DCP2: variants seen among roughly 807,000 people sequenced by gnomAD.
The protein encoded by DCP2 is decapping mRNA 2.
DCP2 carries 30 observed loss-of-function variants against 56.1 expected under a neutral mutation model. That is an observed-to-expected ratio of 0.53 (90% confidence interval 0.40 to 0.73). DCP2 has a LOEUF of 0.73. DCP2 is among the 30% of genes least tolerant of loss of function. DCP2 has a pLI of 0.00. For missense variants in DCP2, 533 were observed against 502.7 expected, an observed-to-expected ratio of 1.06 and a Z score of -0.58; for synonymous variants, 197 against 163.3, an observed-to-expected ratio of 1.21 and a Z score of -1.57.
intron 8 of DCP2, among the ~76,000 whole-genome samples, chr5:113,005,694 C>T (rs1031951349): frequency 1.3e-5 from 2 of 152,192 alleles, no homozygotes; most frequent in Non-Finnish European, 1.5e-5. Flanking sequence ...AAACAGATAA[C>T]TTGTGTACCA....
intron 1 of DCP2, among the ~76,000 whole-genome samples, chr5:112,983,334 A>G (rs1175335579): frequency 6.6e-6 from 1 of 152,214 alleles, no homozygotes; most frequent in Non-Finnish European, 1.5e-5. Context: ...TTAAAATTTC[A>G]GCATTTCAAC....
intron 4 of DCP2, among the ~76,000 whole-genome samples, chr5:112,996,377 C>T (rs981958344): frequency 6.6e-6 from 1 of 152,126 alleles, no homozygotes; most frequent in Non-Finnish European, 1.5e-5. Flanking sequence ...TTTCTAGCTA[C>T]TGATTAGACT....
intron 9 of DCP2, among the ~76,000 whole-genome samples, chr5:113,010,535 T>C (rs909832938): frequency 2.6e-5 from 4 of 152,168 alleles, no homozygotes; most frequent in Admixed American, 2.0e-4. Flanking sequence ...GATGTCTTTA[T>C]AATGTGTATG....
intron 1 of DCP2, chr5:112,984,686 T>TAA (rs60727810): frequency 3.4e-5 from 3 of 89,484 alleles, no homozygotes; most frequent in South Asian, 3.3e-4. Flanking sequence ...ATTTCTTAAT[T>TAA]AAAAAAAAAA....
intron 4 of DCP2, among the ~76,000 whole-genome samples, chr5:112,993,320 GATTT>G (rs1244230080): frequency 6.6e-6 from 1 of 152,020 alleles, no homozygotes; most frequent in African/African-American, 2.4e-5. Flanking sequence ...GAACTTGATT[GATTT>G]GTTTCGGCCT....
At chr5:112,998,183 A>C (rs1376005841) in intron 4 of DCP2, among the ~76,000 whole-genome samples, 2 of 152,224 alleles carry the variant, frequency 1.3e-5, no homozygotes, top group African/African-American at 4.8e-5. Context: ...TTGATTGGAC[A>C]GTTTGAATCT....
chr5:113,012,615 A>T (rs1280225290), intron 10 of DCP2, among the ~76,000 whole-genome samples: 1 of 152,074 alleles, frequency 6.6e-6, no homozygotes. Flanking sequence ...ATGATTTGGA[A>T]AATTTGGATT....
intron 2 of DCP2, 36 bp downstream of exon 2, chr5:112,986,022 G>T (rs1485403430): frequency 6.8e-7 from 1 of 1,479,058 alleles, no homozygotes; most frequent in Non-Finnish European, 9.1e-7. Context: ...TGACTTTCTT[G>T]TTAGCAATAT....
chr5:113,012,456 C>G (rs1749715544), intron 10 of DCP2, among the ~76,000 whole-genome samples: 1 of 152,096 alleles, frequency 6.6e-6, no homozygotes, highest in Admixed American at 6.5e-5. Context: ...TGAAAGGATT[C>G]ATGTCCTGGG....
intron 1 of DCP2, among the ~76,000 whole-genome samples, chr5:112,977,791 C>G (rs79901368): frequency 9.9e-5 from 15 of 152,106 alleles, no homozygotes; most frequent in African/African-American, 3.4e-4. Context: ...CAGTGATACC[C>G]GGAGTTGTCG....
intron 4 of DCP2, 73 bp downstream of exon 4, chr5:112,992,843 A>G (rs1022286547): frequency 4.3e-6 from 5 of 1,176,232 alleles, no homozygotes; most frequent in Admixed American, 3.0e-5. Context: ...AGCCATATAG[A>G]CTTACTTCTT....
chr5:112,983,161 A>G (rs922000347), intron 1 of DCP2, among the ~76,000 whole-genome samples: 3 of 152,254 alleles, frequency 2.0e-5, no homozygotes, highest in Admixed American at 2.0e-4. Flanking sequence ...CCAAGATGTT[A>G]TCAAAAACTG....
intron 3 of DCP2, 61 bp downstream of exon 3, chr5:112,992,309 T>C (rs1308175343): frequency 6.4e-7 from 1 of 1,561,472 alleles, no homozygotes; most frequent in Non-Finnish European, 8.6e-7. Context: ...TTAACAAAAT[T>C]TGTTATTGAT....
rs1286510530 is a variant in DCP2, at chr5:112,985,917, T to C, written c.136T>C (p.Tyr46His). The change falls in exon 2 of 11, where the codon TAC becomes CAC. Residue 46 changes from tyrosine to histidine, a missense_variant. Physicochemically the swap from Tyr to His is moderately conservative, Grantham distance 83 (BLOSUM62 2). Coordinates refer to ENST00000389063, the MANE Select transcript of DCP2 (RefSeq NM_152624.6). ...TCAGATTGAACTTGCCCATTGGTTT[T>C]ACTTGGATTTCTACATGCAGAACAC... The part of the protein sequence containing the change: ...CFQIELAHWF[Y>H]LDFYMQNTPG... 6.2e-7 allele frequency: 1 copy of C among 1,609,986 alleles called. No homozygotes were observed. The highest frequency in any genetic ancestry group is 8.5e-7 in the Non-Finnish European group (1 of 1,176,794).
Position 113,016,046 on chromosome 5 carries a change from C to G in DCP2, c.*2562C>G, listed in dbSNP as rs1423773587. ...CACTTTTTAAATGTTACGTTCCAAC[C>G]TTATATGTTCCAAGGTGCAGTGCAC... is the stretch of plus-strand genomic sequence containing the variant. On this transcript the variant is annotated 3_prime_UTR_variant, in exon 11 of 11. Coordinates refer to ENST00000389063, the MANE Select transcript of DCP2 (RefSeq NM_152624.6). 1 of 152,586 alleles carries G rather than the reference C, an allele frequency of 6.6e-6. No homozygotes were observed. The highest frequency in any genetic ancestry group is 1.5e-5 in the Non-Finnish European group (1 of 68,024). The allele number at this position is 152,586 out of a possible 1,614,324, so 9.5% of individuals were successfully genotyped here. A position where few individuals can be genotyped will look rare whatever the true frequency, so the allele number is the denominator to read the frequency against.
intron 2 of DCP2, among the ~76,000 whole-genome samples, chr5:112,988,494 T>TAAAAAAA (rs368124032): frequency 2.4e-5 from 2 of 82,446 alleles, no homozygotes; most frequent in African/African-American, 9.9e-5. Flanking sequence ...TGTGTCTTAA[T>TAAAAAAA]AAAAAAAAAA....
rs1747845438 is a variant in DCP2, at chr5:112,978,681, AAT to A, written c.53+1697_53+1698del. On this transcript the variant is annotated intron_variant, in intron 1 of 10. Coordinates refer to ENST00000389063, the MANE Select transcript of DCP2 (RefSeq NM_152624.6). ...AAAAGGCATTTAGTTTCTTGTCCCA[AAT>A]AAAAAAAAAAAAAGGAAAAAGAAAC... Among the ~76,000 whole-genome samples, 3 of 138,526 alleles carry A rather than the reference AAT, an allele frequency of 2.2e-5. No individual in the cohort carries two copies. In the South Asian group the frequency reaches 7.1e-4, roughly 33 times the overall value. 90.9% of individuals were successfully genotyped at this position (138,526 alleles called of 152,430 possible). A position where few individuals can be genotyped will look rare whatever the true frequency, so the allele number is the denominator to read the frequency against.
chr5:113,001,801 T>G (rs931722874), intron 7 of DCP2, 127 bp downstream of exon 7: 4 of 828,180 alleles, frequency 4.8e-6, no homozygotes, highest in Non-Finnish European at 7.6e-6. Flanking sequence ...GTTACTGGTC[T>G]CACAGATAAT....
intron 9 of DCP2, 37 bp from the exon 10 acceptor site, chr5:113,010,715 TTGTA>T (rs765185790): frequency 9.5e-5 from 141 of 1,489,722 alleles, no homozygotes; most frequent in Admixed American, 1.3e-4. Flanking sequence ...GGTGACTGTG[TTGTA>T]TGTGTGTGTG....
Sources: gnomAD v4.1 joint callset for allele counts (sites outside exome capture counted in the v4.1 genomes callset) on GRCh38, gnomAD v4.1.1 for gene constraint, MANE v1.5 for transcripts, NCBI Gene and HGNC (gene_info 2026-07-23, HGNC 2026-07-21) for gene names.